EIF4E3: variants seen among roughly 807,000 people sequenced by gnomAD.
The protein encoded by EIF4E3 is eukaryotic translation initiation factor 4E type 3.
A neutral mutation model predicts 31.7 loss-of-function variants in EIF4E3; 26 were observed. That is an observed-to-expected ratio of 0.82 (90% confidence interval 0.60 to 1.14). EIF4E3 has a LOEUF of 1.14. EIF4E3 is among the 50% of genes most tolerant of loss of function. EIF4E3 has a pLI of 0.00. For synonymous variants in EIF4E3, 128 were observed against 107.7 expected, an observed-to-expected ratio of 1.19 and a Z score of -1.17; for missense variants, 304 against 270.9, an observed-to-expected ratio of 1.12 and a Z score of -0.86.
downstream of EIF4E3, among the ~76,000 whole-genome samples, chr3:71,670,526 A>C (rs2107981089): frequency 6.6e-6 from 1 of 152,286 alleles, no homozygotes; most frequent in East Asian, 1.9e-4. Flanking sequence ...AGTACGACTT[A>C]GGAATAAAAA....
chr3:71,704,255 A>T (rs2049259263), intron 2 of EIF4E3, among the ~76,000 whole-genome samples: 1 of 152,198 alleles, frequency 6.6e-6, no homozygotes, highest in African/African-American at 2.4e-5. Context: ...GGGGAGTTAA[A>T]AGCTTGGAGA....
At chr3:71,695,377 A>G (rs2049122225) in intron 4 of EIF4E3, among the ~76,000 whole-genome samples, 2 of 152,228 alleles carry the variant, frequency 1.3e-5, no homozygotes. Context: ...TAACAAGGAG[A>G]GGACAAAACT....
At chr3:71,699,539 G>T in intron 3 of EIF4E3, 75 bp downstream of exon 3, 1 of 1,289,684 alleles carries the variant, frequency 7.8e-7, no homozygotes, top group South Asian at 1.2e-5. Flanking sequence ...ACACATCTCA[G>T]GTGATATGAT....
intron 1 of EIF4E3, among the ~76,000 whole-genome samples, chr3:71,713,154 T>C (rs889760411): frequency 1.3e-5 from 2 of 152,202 alleles, no homozygotes; most frequent in Admixed American, 1.3e-4. Context: ...TGACCTCCGT[T>C]GAAGCACTGA....
chr3:71,754,658 C>G, upstream of EIF4E3: 1 of 1,503,378 alleles, frequency 6.7e-7, no homozygotes, highest in Non-Finnish European at 8.8e-7. This position sits in a 1 kb window ranked among gnomAD's most constrained non-coding sequence, Gnocchi z 5.8. Context: ...TCTACCTCCG[C>G]CTGCTCTTCT....
At chr3:71,721,011 C>T (rs2049539717) in intron 1 of EIF4E3, among the ~76,000 whole-genome samples, 1 of 152,112 alleles carries the variant, frequency 6.6e-6, no homozygotes, top group South Asian at 2.1e-4. Context: ...TTAACCAACA[C>T]GTGGTCAGCA....
intron 1 of EIF4E3, among the ~76,000 whole-genome samples, chr3:71,750,766 G>GT (rs34592388): frequency 0.17 from 24,698 of 146,624 alleles, 2,136 homozygotes; most frequent in East Asian, 0.31. Context: ...CAAATAATTG[G>GT]TTTTTTTTTT....
In EIF4E3 at chr3:71,681,062, CT is replaced by C. The variant is rs2048916689; in HGVS notation, c.*3619del. 1 of 151,966 alleles carries C rather than the reference CT, an allele frequency of 6.6e-6. No individual in the cohort carries two copies. 9.4% of individuals were successfully genotyped at this position (151,966 alleles called of 1,614,324 possible). A position where few individuals can be genotyped will look rare whatever the true frequency, so the allele number is the denominator to read the frequency against. On this transcript the variant is annotated 3_prime_UTR_variant, in exon 7 of 7. Coordinates refer to ENST00000425534, the MANE Select transcript of EIF4E3 (RefSeq NM_001134651.2). ...CTCCTATATGTGAGTTTATTTTATTCTTTTTCTTCCCAATCACTTATAAGGC... is the reference window on the plus strand; with the variant it reads ...CTCCTATATGTGAGTTTATTTTATTCTTTTCTTCCCAATCACTTATAAGGC...
At chr3:71,712,139 G>A (rs531219630) in intron 1 of EIF4E3, among the ~76,000 whole-genome samples, 1 of 152,148 alleles carries the variant, frequency 6.6e-6, no homozygotes, top group Admixed American at 6.5e-5. Flanking sequence ...TTTACAACTC[G>A]ATTTGCTGGA....
intron 1 of EIF4E3, among the ~76,000 whole-genome samples, chr3:71,712,642 G>GGGGGC (rs1553664403): frequency 8.8e-6 from 1 of 113,872 alleles, no homozygotes; most frequent in African/African-American, 3.5e-5. Context: ...GGGTGGGCGG[G>GGGGGC]GGAGATTCTA....
At chr3:71,669,361 C>T in the EIF4E3 span, among the ~76,000 whole-genome samples, 1 of 152,092 alleles carries the variant, frequency 6.6e-6, no homozygotes, top group Non-Finnish European at 1.5e-5. Context: ...TGTAACAAAC[C>T]TGCATGTTCT....
In EIF4E3 at chr3:71,682,194, A is replaced by T. The variant is rs1411466741; in HGVS notation, c.*2488T>A. 6.6e-6 allele frequency: 1 copy of T among 152,244 alleles called. No homozygotes were observed. Among genetic ancestry groups the T allele is most frequent in the Non-Finnish European group, 1.5e-5 (1 of 68,046 alleles). 9.4% of individuals were successfully genotyped at this position (152,244 alleles called of 1,614,324 possible). Reference sequence around the variant, plus strand: ...AATAAAAAGCATATTAGTTTCAATCAGATTTCCTGGCATATATCACAGACC... The same window carrying T: ...AATAAAAAGCATATTAGTTTCAATCTGATTTCCTGGCATATATCACAGACC... On this transcript the variant is annotated 3_prime_UTR_variant, in exon 7 of 7. Transcript: ENST00000425534.
Position 71,725,299 on chromosome 3 carries a change from G to A in EIF4E3, c.69C>T (p.Ala23=). The change falls in exon 1 of 7, where the codon GCC becomes GCT. Residue 23 remains alanine, a synonymous_variant. Transcript: ENST00000425534. This position sits in a 1 kb window ranked among gnomAD's most constrained non-coding sequence, Gnocchi z 6.1. ...GCGGCGGCTCGGGGGCGGCGGCAGCGGCGGCGGCGCGGGACCCCGGCGGCT... is the reference window on the plus strand; with the variant it reads ...GCGGCGGCTCGGGGGCGGCGGCAGCAGCGGCGGCGCGGGACCCCGGCGGCT... ...AREPPGSRAA[A]AAAAPEPPLG... 1 of 993,730 alleles carries A rather than the reference G, an allele frequency of 1.0e-6. No individual in the cohort carries two copies. Among genetic ancestry groups the A allele is most frequent in the Non-Finnish European group, 1.2e-6 (1 of 835,186 alleles). 61.6% of individuals were successfully genotyped at this position (993,730 alleles called of 1,614,324 possible). A position where few individuals can be genotyped will look rare whatever the true frequency, so the allele number is the denominator to read the frequency against.
chr3:71,687,647 C>T (rs1004387969), intron 6 of EIF4E3, among the ~76,000 whole-genome samples: 2 of 152,156 alleles, frequency 1.3e-5, no homozygotes, highest in Non-Finnish European at 2.9e-5. Context: ...CAGGGTGGGG[C>T]TGGTCAGTGA....
the EIF4E3 span, among the ~76,000 whole-genome samples, chr3:71,664,290 G>A: frequency 2.6e-5 from 4 of 152,236 alleles, no homozygotes; most frequent in East Asian, 7.7e-4. Flanking sequence ...AAAAATGGAG[G>A]CTTTGGATTT....
rs1553664389 is a variant in EIF4E3 at position 71,712,635 on chromosome 3, T to TTG, written c.177-2152_177-2151insCA. ...CCCTATGTGTGTGTGTTGCGGGGGG[T>TTG]GGGCGGGGGAGATTCTAGGGCTCAA... On this transcript the variant is annotated intron_variant, in intron 1 of 6. Coordinates refer to ENST00000425534, the MANE Select transcript of EIF4E3 (RefSeq NM_001134651.2). Among the ~76,000 whole-genome samples the TTG allele has an allele frequency of 1.0e-4, 6 of 59,364 alleles. 1 individual carries two copies. Among genetic ancestry groups the TTG allele is most frequent in the East Asian group, 4.8e-4 (1 of 2,100 alleles). 38.9% of individuals were successfully genotyped at this position (59,364 alleles called of 152,430 possible). A position where few individuals can be genotyped will look rare whatever the true frequency, so the allele number is the denominator to read the frequency against.
rs1438064359 is a variant in EIF4E3, at chr3:71,690,022, C to A, written c.616G>T (p.Val206Leu). 1 of 1,608,246 alleles carries A rather than the reference C, an allele frequency of 6.2e-7. No individual in the cohort carries two copies. Among genetic ancestry groups the A allele is most frequent in the Admixed American group, 1.7e-5 (1 of 59,040 alleles). Residue 206 changes from valine (V) to leucine (L), a missense_variant, in exon 6 of 7, where the codon GTA becomes TTA. Physicochemically the swap from Val to Leu is conservative, Grantham distance 32 (BLOSUM62 1). Transcript: ENST00000425534. ...ELLPHITFKA[V>L]FYKPHEEHHA... ...ATGAAGCACTTACGTTTATAAAATA[C>A]TGCTTTAAAAGTTATGTGGGGCAGA...
At position 71,714,466 on chromosome 3, in the gene EIF4E3, A is replaced by C. The variant is rs77477267; in HGVS notation, c.177-3982T>G. Among the ~76,000 whole-genome samples, 488 of 152,242 alleles carry C rather than the reference A, an allele frequency of 3.2e-3. 5 individuals carry two copies. The highest frequency in any genetic ancestry group is 0.011 in the African/African-American group (470 of 41,552). On this transcript the variant is annotated intron_variant, in intron 1 of 6. Coordinates refer to ENST00000425534, the MANE Select transcript of EIF4E3 (RefSeq NM_001134651.2). Reference sequence around the variant, plus strand: ...TTCCAGCTGATGGGCACCTTTCTGAATATTCAGGCTTCAAAGTAACAAAAT... The same window carrying C: ...TTCCAGCTGATGGGCACCTTTCTGACTATTCAGGCTTCAAAGTAACAAAAT...
At chr3:71,744,612 G>C (rs756704636) in intron 1 of EIF4E3, among the ~76,000 whole-genome samples, 1 of 152,166 alleles carries the variant, frequency 6.6e-6, no homozygotes, top group Non-Finnish European at 1.5e-5. Context: ...GGGCATGGTG[G>C]CACGTGCCTG....
Sources: gnomAD v4.1 joint callset for allele counts (sites outside exome capture counted in the v4.1 genomes callset) on GRCh38, gnomAD v4.1.1 for gene constraint, Gnocchi (gnomAD v3.1) non-coding constraint, MANE v1.5 for transcripts, NCBI Gene and HGNC (gene_info 2026-07-23, HGNC 2026-07-21) for gene names.